The following ZNF536 variants were observed in gnomAD, a reference collection of about 807,000 sequenced individuals.
The protein encoded by ZNF536 is zinc finger protein 536.
ZNF536 carries 13 observed loss-of-function variants against 84.5 expected under a neutral mutation model. The observed-to-expected ratio is 0.15, with a 90% confidence interval of 0.10 to 0.24. ZNF536 has a LOEUF of 0.24. Among genes scored for constraint, ZNF536 ranks in the 10% least tolerant of loss-of-function variants. The pLI is 1.00. For synonymous variants in ZNF536, 811 were observed against 742.5 expected, an observed-to-expected ratio of 1.09 and a Z score of -1.50; for missense variants, 1,536 against 1,747.5, an observed-to-expected ratio of 0.88 and a Z score of 2.16.
chr19:30,692,770 A>T (rs1258445251), intron 1 of ZNF536, among the ~76,000 whole-genome samples: 1 of 152,186 alleles, frequency 6.6e-6, no homozygotes, highest in East Asian at 1.9e-4. Flanking sequence ...GCCACGCTGC[A>T]CACTAGGAAG....
intron 1 of ZNF536, among the ~76,000 whole-genome samples, chr19:30,629,444 C>T (rs950231812): frequency 3.3e-5 from 5 of 152,208 alleles, no homozygotes; most frequent in Non-Finnish European, 7.3e-5. Context: ...CATTCACCCA[C>T]CTCGGCCTCC....
intron 1 of ZNF536, among the ~76,000 whole-genome samples, chr19:30,629,221 C>T (rs537529798): frequency 6.6e-6 from 1 of 152,120 alleles, no homozygotes; most frequent in East Asian, 1.9e-4. Flanking sequence ...TTTTTTGAGA[C>T]AGAGTCTTAC....
chr19:30,344,598 G>A (rs565672379), intron 2 of ZNF536, among the ~76,000 whole-genome samples: 2 of 152,086 alleles, frequency 1.3e-5, no homozygotes, highest in East Asian at 2.0e-4. Flanking sequence ...CCTGTCCAAC[G>A]CTGGGCCTGG....
Position 30,617,333 on chromosome 19 carries a change from C to CTTTTTTTTTTTT in ZNF536, c.169+67841_169+67852dup, listed in dbSNP as rs556835599. Among the ~76,000 whole-genome samples the CTTTTTTTTTTTT allele has an allele frequency of 7.2e-3, 273 of 37,702 alleles. 91 individuals are homozygous for CTTTTTTTTTTTT. Among genetic ancestry groups the CTTTTTTTTTTTT allele is most frequent in the Admixed American group, 0.013 (25 of 1,914 alleles). 24.7% of individuals were successfully genotyped at this position (37,702 alleles called of 152,430 possible). On this transcript the variant is annotated intron_variant, in intron 1 of 1. Coordinates refer to the ZNF536 transcript ENST00000592773. Reference sequence around the variant, plus strand: ...GAGTCCACCATATCTGAATAGCTTACTTTTTTTTTTTTTTTTTTTTTTTTT... The same window carrying CTTTTTTTTTTTT: ...GAGTCCACCATATCTGAATAGCTTACTTTTTTTTTTTTTTTTTTTTTTTTTTTTTTTTTTTTT...
chr19:30,378,901 A>C (rs1300703849), intron 1 of ZNF536, among the ~76,000 whole-genome samples: 1 of 152,120 alleles, frequency 6.6e-6, no homozygotes, highest in Non-Finnish European at 1.5e-5. Context: ...CCAGTGCTGG[A>C]GGGACAAAGG....
intron 1 of ZNF536, among the ~76,000 whole-genome samples, chr19:30,435,130 G>A (rs937343221): frequency 1.3e-5 from 2 of 151,470 alleles, no homozygotes; most frequent in African/African-American, 4.9e-5. Flanking sequence ...TGATGATGAT[G>A]CTGATGATGA....
At chr19:30,531,285 A>G (rs2145878605) in intron 2 of ZNF536, among the ~76,000 whole-genome samples, 1 of 152,334 alleles carries the variant, frequency 6.6e-6, no homozygotes, top group Admixed American at 6.5e-5. Flanking sequence ...AGTGATGTAT[A>G]GTGAGGCAGG....
chr19:30,300,582 G>A (rs1293926971), intron 2 of ZNF536: 1 of 152,176 alleles, frequency 6.6e-6, no homozygotes, highest in East Asian at 1.9e-4. Context: ...GCCGACTGGA[G>A]GTCATTTTTC....
At position 30,572,320 on chromosome 19, in the gene ZNF536, T is replaced by A. The variant is rs1245244261; in HGVS notation, c.169+22806T>A. Among the ~76,000 whole-genome samples the A allele has an allele frequency of 2.0e-5, 3 of 152,152 alleles. No homozygotes were observed. The East Asian group carries it at 5.8e-4, about 30-fold the overall frequency. ...GAGAGGGGTGTTCATCACACTAAGGTCCCAGGCCCCCGTCCTAAGAGCAGA... is the reference window on the plus strand; with the variant it reads ...GAGAGGGGTGTTCATCACACTAAGGACCCAGGCCCCCGTCCTAAGAGCAGA... On this transcript the variant is annotated intron_variant, in intron 1 of 1. Transcript: ENST00000592773.
At chr19:30,454,701 G>A (rs1281352047) in intron 2 of ZNF536, among the ~76,000 whole-genome samples, 1 of 152,124 alleles carries the variant, frequency 6.6e-6, no homozygotes, top group African/African-American at 2.4e-5. Context: ...GCTGGGGCCA[G>A]ACCCCTCGGA....
chr19:30,251,050 G>C (rs1401144976), intron 1 of ZNF536, among the ~76,000 whole-genome samples: 1 of 151,928 alleles, frequency 6.6e-6, no homozygotes, highest in African/African-American at 2.4e-5. Context: ...AAGAACATGT[G>C]GGGTCTGTCT....
chr19:30,669,557 C>G (rs2050464450), intron 1 of ZNF536, among the ~76,000 whole-genome samples: 1 of 152,190 alleles, frequency 6.6e-6, no homozygotes, highest in Admixed American at 6.5e-5. Context: ...TGTCCTCAGC[C>G]CCGGAGAATC....
chr19:30,421,981 T>C (rs1008359669), intron 1 of ZNF536, among the ~76,000 whole-genome samples: 1 of 152,162 alleles, frequency 6.6e-6, no homozygotes, highest in African/African-American at 2.4e-5. Context: ...TCCTTTTAAA[T>C]GCATTAAAGT....
At chr19:30,700,058 TCCG>T in intron 1 of ZNF536, among the ~76,000 whole-genome samples, 3 of 145,814 alleles carry the variant, frequency 2.1e-5, no homozygotes, top group Admixed American at 6.8e-5. Flanking sequence ...TCTCCCTCCC[TCCG>T]CCTCCCTCCT....
At chr19:30,383,744 TCTTTCTTTCTTTCTCTTTC>T (rs1568376813) in intron 1 of ZNF536, among the ~76,000 whole-genome samples, 64 of 2,400 alleles carry the variant, frequency 0.027, 13 homozygotes, top group African/African-American at 0.068. Context: ...TCTTTCTTTC[TCTTTCTTTCTTTCTCTTTC>T]TTTCTTTCTT....
At chr19:30,389,185 C>A (rs1308474317) in intron 1 of ZNF536, among the ~76,000 whole-genome samples, 1 of 152,226 alleles carries the variant, frequency 6.6e-6, no homozygotes, top group Non-Finnish European at 1.5e-5. Context: ...CGAAGCCAGG[C>A]CTGGTTCTCC....
chr19:30,499,850 T>G (rs2054877935), intron 2 of ZNF536, among the ~76,000 whole-genome samples: 1 of 152,174 alleles, frequency 6.6e-6, no homozygotes, highest in South Asian at 2.1e-4. Context: ...AAGTCCATGT[T>G]CTGGTGGCTG....
chr19:30,424,826 G>A (rs1195114053), intron 1 of ZNF536, among the ~76,000 whole-genome samples: 1 of 152,164 alleles, frequency 6.6e-6, no homozygotes, highest in African/African-American at 2.4e-5. Flanking sequence ...CAGCTGGGCA[G>A]GGTGAGAAAT....
At chr19:30,300,080 G>A (rs776986063) in intron 2 of ZNF536, among the ~76,000 whole-genome samples, 3 of 152,172 alleles carry the variant, frequency 2.0e-5, no homozygotes, top group Non-Finnish European at 4.4e-5. Context: ...TTGTGATTAA[G>A]CGTTATTAAT....
Sources: gnomAD v4.1 joint callset for allele counts (sites outside exome capture counted in the v4.1 genomes callset) on GRCh38, gnomAD v4.1.1 for gene constraint, MANE v1.5 for transcripts, NCBI Gene and HGNC (gene_info 2026-07-23, HGNC 2026-07-21) for gene names.